Variants in SNX30 observed in about 807,000 individuals in gnomAD.
The protein encoded by SNX30 is sorting nexin-30.
Under a neutral mutation model 46.4 loss-of-function variants are expected in SNX30, and 24 were observed. The observed-to-expected ratio is 0.52, with a 90% CI of 0.37 to 0.73. SNX30 has a LOEUF of 0.73. Ranked by LOEUF, SNX30 falls within the 30% of genes least tolerant of loss-of-function variation. The probability of loss-of-function intolerance (pLI) is 0.00; values close to 1 mark genes in which losing one functional copy is unlikely to be tolerated. For synonymous variants in SNX30, 189 were observed against 211.5 expected (o/e 0.89, Z 0.92); for missense variants, 533 against 555.7 (o/e 0.96, Z 0.41).
intron 6 of SNX30, among the ~76,000 whole-genome samples, chr9:112,850,200 C>T (rs1841000824): frequency 6.6e-6 from 1 of 152,232 alleles, no homozygotes; most frequent in Non-Finnish European, 1.5e-5. Flanking sequence ...ATTGAGCCTT[C>T]ACTCTGGTGG....
intron 1 of SNX30, among the ~76,000 whole-genome samples, chr9:112,765,266 A>G (rs1839517816): frequency 6.6e-6 from 1 of 152,240 alleles, no homozygotes; most frequent in Non-Finnish European, 1.5e-5. Context: ...TAGATTTTCT[A>G]AGGCATGTAT....
chr9:112,862,265 T>C (rs1041304184), intron 7 of SNX30, among the ~76,000 whole-genome samples: 2 of 152,216 alleles, frequency 1.3e-5, no homozygotes, highest in African/African-American at 4.8e-5. Context: ...CCTCTCCACG[T>C]GTCCTGGTGA....
chr9:112,813,294 T>G (rs907851686), intron 2 of SNX30, among the ~76,000 whole-genome samples: 1 of 149,510 alleles, frequency 6.7e-6, no homozygotes, highest in African/African-American at 2.4e-5. Flanking sequence ...GAGACGCCTA[T>G]CTCTACAAAA....
chr9:112,773,318 A>G (rs973688987), intron 1 of SNX30, among the ~76,000 whole-genome samples: 1 of 152,196 alleles, frequency 6.6e-6, no homozygotes, highest in Non-Finnish European at 1.5e-5. Flanking sequence ...AATAGGGTCC[A>G]AAATCTCTTC....
intron 2 of SNX30, among the ~76,000 whole-genome samples, chr9:112,814,310 G>A (rs1050116597): frequency 6.6e-6 from 1 of 152,082 alleles, no homozygotes; most frequent in Non-Finnish European, 1.5e-5. Flanking sequence ...GTGCAGTCTT[G>A]GCTAGCTGTA....
At chr9:112,846,926 A>G (rs923340083) in intron 6 of SNX30, among the ~76,000 whole-genome samples, 1 of 152,150 alleles carries the variant, frequency 6.6e-6, no homozygotes, top group African/African-American at 2.4e-5. Flanking sequence ...AGACATGTGC[A>G]TGAGTCTGAG....
At position 112,872,087 on chromosome 9, in the gene SNX30, C is replaced by T. The variant is rs551378132; in HGVS notation, c.*3244C>T. ...ACCTGGAGATCATGGTGACTGTAAG[C>T]TAAGTCTGTTTTCATGCCAGATTTC... On this transcript the variant is annotated 3_prime_UTR_variant, in exon 9 of 9. Coordinates refer to ENST00000374232, the MANE Select transcript of SNX30 (RefSeq NM_001012994.2). 6.6e-6 allele frequency: 1 copy of T among 152,252 alleles called. No homozygotes were observed. The highest frequency in any genetic ancestry group is 2.4e-5 in the African/African-American group (1 of 41,532). The allele number at this position is 152,252 out of a possible 1,614,324, so 9.4% of individuals were successfully genotyped here.
At chr9:112,882,750 A>G (rs570732758), downstream of SNX30, among the ~76,000 whole-genome samples, 3 of 152,268 alleles carry the variant, frequency 2.0e-5, no homozygotes, top group East Asian at 5.8e-4. Context: ...TAATGAGATC[A>G]TGAGATTGGA....
rs1416139646 is a variant in SNX30, at chr9:112,873,275, C to T, written c.*4432C>T. 2 of 152,074 alleles carry T rather than the reference C, an allele frequency of 1.3e-5. No homozygotes were observed. Among genetic ancestry groups the T allele is most frequent in the Non-Finnish European group, 2.9e-5 (2 of 68,010 alleles). 9.4% of individuals were successfully genotyped at this position (152,074 alleles called of 1,614,324 possible). On this transcript the variant is annotated 3_prime_UTR_variant, in exon 9 of 9. Transcript: ENST00000374232. ...AACAAACCAATAAGATATTTGTCTC[C>T]TATATAAACATTCTGTGTATTTAGC...
intron 7 of SNX30, among the ~76,000 whole-genome samples, chr9:112,855,985 C>T (rs1252340615): frequency 1.3e-5 from 2 of 152,070 alleles, no homozygotes; most frequent in African/African-American, 2.4e-5. Flanking sequence ...CGGGAGCATC[C>T]GCACCTTCGA....
intron 1 of SNX30, among the ~76,000 whole-genome samples, chr9:112,774,572 A>G (rs779271842): frequency 6.6e-6 from 1 of 152,178 alleles, no homozygotes; most frequent in African/African-American, 2.4e-5. Context: ...GTCAAGTTAC[A>G]ATGTAATGTG....
intron 7 of SNX30, among the ~76,000 whole-genome samples, chr9:112,853,981 T>A (rs1018918145): frequency 2.0e-5 from 3 of 152,252 alleles, no homozygotes; most frequent in African/African-American, 7.2e-5. Flanking sequence ...GCCACTGGCC[T>A]AGTTTGGAAA....
chr9:112,832,834 ATATAT>A (rs1840689192), intron 4 of SNX30, among the ~76,000 whole-genome samples: 1 of 146,790 alleles, frequency 6.8e-6, no homozygotes, highest in Non-Finnish European at 1.5e-5. Context: ...TATATAATAA[ATATAT>A]TAATATATAA....
chr9:112,750,809 G>A lies in SNX30; in HGVS notation c.-193G>A, dbSNP rs1462345456. The stretch of plus-strand genomic sequence containing the variant: ...CGGCGGGCTCGGGCGCGGAGCGGGG[G>A]CGCGCGGCGCGGAGCGGAGCGTCTG... On this transcript the variant is annotated 5_prime_UTR_variant, in exon 1 of 9. Coordinates refer to ENST00000374232, the MANE Select transcript of SNX30 (RefSeq NM_001012994.2). The A allele has an allele frequency of 2.6e-5, 7 of 269,068 alleles. No individual in the cohort carries two copies. In the East Asian group the frequency reaches 1.0e-3, roughly 40 times the overall value. 16.7% of individuals were successfully genotyped at this position (269,068 alleles called of 1,614,324 possible). A position where few individuals can be genotyped will look rare whatever the true frequency, so the allele number is the denominator to read the frequency against.
intron 1 of SNX30, among the ~76,000 whole-genome samples, chr9:112,786,313 G>C (rs1023399390): frequency 6.6e-6 from 1 of 151,834 alleles, no homozygotes; most frequent in African/African-American, 2.4e-5. Flanking sequence ...TAGAGACAGG[G>C]TTTTGTTGTG....
intron 1 of SNX30, among the ~76,000 whole-genome samples, chr9:112,784,667 C>T (rs1473852323): frequency 6.6e-6 from 1 of 152,142 alleles, no homozygotes; most frequent in Non-Finnish European, 1.5e-5. Flanking sequence ...TGCAGCCTAG[C>T]CTGGACCAGG....
intron 1 of SNX30, among the ~76,000 whole-genome samples, chr9:112,797,772 T>G (rs1392463028): frequency 6.8e-6 from 1 of 146,270 alleles, no homozygotes; most frequent in South Asian, 2.2e-4. Flanking sequence ...TGCAGTGGCA[T>G]GATCCCGGCT....
chr9:112,756,810 C>A (rs1366094372), intron 1 of SNX30, among the ~76,000 whole-genome samples: 1 of 152,136 alleles, frequency 6.6e-6, no homozygotes, highest in Admixed American at 6.6e-5. Context: ...CCGCACCCTG[C>A]GTTGTAATAC....
intron 7 of SNX30, among the ~76,000 whole-genome samples, chr9:112,857,559 A>G (rs75974601): frequency 0.018 from 2,770 of 152,280 alleles, 87 homozygotes; most frequent in African/African-American, 0.061. Context: ...CCTGTCCTAC[A>G]GCAGCCACGA....
Sources: allele counts gnomAD v4.1 joint callset (sites outside exome capture counted in the v4.1 genomes callset), GRCh38; gene constraint gnomAD v4.1.1; transcripts MANE v1.5; gene names NCBI Gene and HGNC (gene_info 2026-07-23, HGNC 2026-07-21).